Variants in PCSK1 observed in about 807,000 individuals in gnomAD.
PCSK1 encodes proprotein convertase subtilisin/kexin type 1, also known as neuroendocrine convertase 1.
In PCSK1, 56 loss-of-function variants were observed where a neutral mutation model predicts 90.6. The ratio of observed to expected loss-of-function variants is 0.62; its 90% CI spans 0.50 to 0.77. PCSK1 has a LOEUF of 0.77. PCSK1 is among the 30% of genes least tolerant of loss of function. The pLI is 0.00. For missense variants in PCSK1, 801 were observed against 932.6 expected (o/e 0.86, Z 1.84); for synonymous variants, 348 against 342.4 (o/e 1.02, Z -0.18).
chr5:96,405,843 A>G (rs1760541366), intron 9 of PCSK1, among the ~76,000 whole-genome samples: 1 of 152,232 alleles, frequency 6.6e-6, no homozygotes, highest in African/African-American at 2.4e-5. Context: ...TATATTGGTC[A>G]CTATACAAGG....
chr5:96,412,858 G>T, intron 6 of PCSK1: 1 of 681,394 alleles, frequency 1.5e-6, no homozygotes, highest in Non-Finnish European at 1.9e-6. Context: ...GAGAGGAAGT[G>T]GCCGTGATTG....
At position 96,392,777 on chromosome 5, in the gene PCSK1, A is replaced by C. The variant is rs1268121504; in HGVS notation, c.*224T>G. On this transcript the variant is annotated 3_prime_UTR_variant, in exon 14 of 14. Coordinates refer to ENST00000311106, the MANE Select transcript of PCSK1 (RefSeq NM_000439.5). ...AGAACAAAACACTTCACTTGTGCAG[A>C]CAGGAAAGATGTGTTTTGAAATACC... is the stretch of plus-strand genomic sequence containing the variant. 2 of 586,926 alleles carry C rather than the reference A, an allele frequency of 3.4e-6. No individual in the cohort carries two copies. The highest frequency in any genetic ancestry group is 6.0e-6 in the Non-Finnish European group (2 of 330,788). 36.4% of individuals were successfully genotyped at this position (586,926 alleles called of 1,614,324 possible).
At chr5:96,399,684 A>G (rs754237442) in intron 10 of PCSK1, among the ~76,000 whole-genome samples, 16 of 152,248 alleles carry the variant, frequency 1.1e-4, no homozygotes, top group Non-Finnish European at 1.3e-4. Flanking sequence ...GTGGTTGATC[A>G]CAGTTTAATT....
chr5:96,395,831 AAAAT>A (rs1054530246), intron 12 of PCSK1, among the ~76,000 whole-genome samples: 13 of 74,954 alleles, frequency 1.7e-4, no homozygotes, highest in African/African-American at 8.0e-4. Flanking sequence ...TCAATGACAA[AAAAT>A]AAATAAATAA....
intron 13 of PCSK1, among the ~76,000 whole-genome samples, chr5:96,394,654 C>A (rs752644437): frequency 2.6e-5 from 4 of 152,060 alleles, no homozygotes; most frequent in African/African-American, 9.7e-5. Flanking sequence ...CTTTTGAATT[C>A]ATTAATTGTG....
At chr5:96,411,011 T>C (rs761230728) in intron 7 of PCSK1, 25 bp from the exon 8 acceptor site, 1 of 1,499,996 alleles carries the variant, frequency 6.7e-7, no homozygotes, top group South Asian at 1.1e-5. Flanking sequence ...AGAATGCATA[T>C]TATCTGTTAT....
At position 96,420,962 on chromosome 5, in the gene PCSK1, G is replaced by C. The variant is rs76285149; in HGVS notation, c.620+918C>G. Among the ~76,000 whole-genome samples the C allele has an allele frequency of 3.4e-3, 513 of 152,248 alleles. 2 individuals carry two copies. Among genetic ancestry groups the C allele is most frequent in the South Asian group, 7.3e-3 (35 of 4,818 alleles). ...ACTTGTAGCAACAAGCCCTAATTTTGACCTTGGCTTTGATCATTTTGGTGC... is the reference window on the plus strand; with the variant it reads ...ACTTGTAGCAACAAGCCCTAATTTTCACCTTGGCTTTGATCATTTTGGTGC... On this transcript the variant is annotated intron_variant, in intron 5 of 13. Coordinates refer to ENST00000311106, the MANE Select transcript of PCSK1 (RefSeq NM_000439.5).
chr5:96,428,682 G>T (rs1761393790), intron 2 of PCSK1, among the ~76,000 whole-genome samples: 1 of 152,110 alleles, frequency 6.6e-6, no homozygotes, highest in Admixed American at 6.5e-5. Flanking sequence ...TGGATTTACA[G>T]TTCTCTCATA....
rs1271577603 is a variant in PCSK1, at chr5:96,413,011, C to A, written c.710-521G>T. 5.2e-6 allele frequency: 5 copies of A among 970,800 alleles called. No homozygotes were observed. The East Asian group carries it at 3.3e-4, about 65-fold the overall frequency. 60.1% of individuals were successfully genotyped at this position (970,800 alleles called of 1,614,324 possible). A position where few individuals can be genotyped will look rare whatever the true frequency, so the allele number is the denominator to read the frequency against. On this transcript the variant is annotated intron_variant, in intron 6 of 13. Transcript: ENST00000311106. ...TGGCTGTGGCCCAGTCTACGCCACA[C>A]AAGGACTCTGGACAGGAAACATGTA...
intron 8 of PCSK1, among the ~76,000 whole-genome samples, chr5:96,410,561 G>C (rs113523799): frequency 0.024 from 3,712 of 152,102 alleles, 172 homozygotes; most frequent in African/African-American, 0.086. Flanking sequence ...AAAAATGACA[G>C]AGGGGAAGAT....
intron 3 of PCSK1, among the ~76,000 whole-genome samples, chr5:96,425,010 A>AAGAAAGAG (rs1761245478): frequency 8.2e-5 from 2 of 24,258 alleles, no homozygotes; most frequent in Non-Finnish European, 1.9e-4. Flanking sequence ...AAAGAAAGAA[A>AAGAAAGAG]AGAAAGAAAG....
chr5:96,422,140 G>A (rs1761150745), intron 4 of PCSK1, among the ~76,000 whole-genome samples, 184 bp from the exon 5 acceptor site: 1 of 152,026 alleles, frequency 6.6e-6, no homozygotes, highest in Non-Finnish European at 1.5e-5. Flanking sequence ...ACCAGGCAGA[G>A]ATGATGAACA....
In PCSK1 at chr5:96,423,520, A is replaced by G. The variant is rs199857273; in HGVS notation, c.397-61T>C. The stretch of plus-strand genomic sequence containing the variant: ...ATCATTTGCTTGCTACAAAATGGGC[A>G]CTTCAGTTCCAACCTGGAGACCCAT... On this transcript the variant is annotated intron_variant, in intron 3 of 13. Coordinates refer to ENST00000311106, the MANE Select transcript of PCSK1 (RefSeq NM_000439.5). 45 of 1,487,634 alleles carry G rather than the reference A, an allele frequency of 3.0e-5. No individual in the cohort carries two copies. The East Asian group carries it at 9.5e-4, about 31-fold the overall frequency. 92.2% of individuals were successfully genotyped at this position (1,487,634 alleles called of 1,614,324 possible).
chr5:96,398,229 G>A (rs1489063089), intron 11 of PCSK1, among the ~76,000 whole-genome samples: 1 of 152,178 alleles, frequency 6.6e-6, no homozygotes, highest in Non-Finnish European at 1.5e-5. Flanking sequence ...CATAGAGATA[G>A]CTCATCTTTC....
intron 6 of PCSK1, 112 bp downstream of exon 6, chr5:96,415,921 A>G: frequency 1.3e-6 from 1 of 746,432 alleles, no homozygotes; most frequent in South Asian, 1.4e-5. Flanking sequence ...TTGGCATGGA[A>G]CTAATTTGTT....
At chr5:96,418,199 G>A (rs919861221) in intron 5 of PCSK1, among the ~76,000 whole-genome samples, 2 of 152,148 alleles carry the variant, frequency 1.3e-5, no homozygotes, top group Admixed American at 6.5e-5. Flanking sequence ...ACCTCCAAAC[G>A]TTGAGAGAAA....
chr5:96,402,406 G>A (rs368442246), intron 9 of PCSK1, among the ~76,000 whole-genome samples: 12 of 152,160 alleles, frequency 7.9e-5, no homozygotes, highest in African/African-American at 2.7e-4. Context: ...GCTGGTGAGA[G>A]CTTTCCTTCC....
In PCSK1 at chr5:96,399,040, A is replaced by T; in HGVS notation, c.1431-4T>A. 1 of 1,601,852 alleles carries T rather than the reference A, an allele frequency of 6.2e-7. No homozygotes were observed. Among genetic ancestry groups the T allele is most frequent in the Non-Finnish European group, 8.5e-7 (1 of 1,170,712 alleles). ...TTCTCCATTAGCTTTCAGGGCTCTA[A>T]ATACATTAAAGAATCAGCATTGAAT... On this transcript the variant is annotated splice_polypyrimidine_tract_variant and splice_region_variant and intron_variant, in intron 10 of 13. Transcript: ENST00000311106.
chr5:96,409,039 C>T (rs116230181), intron 8 of PCSK1, among the ~76,000 whole-genome samples: 3,128 of 152,220 alleles, frequency 0.021, 120 homozygotes, highest in African/African-American at 0.072. Context: ...GACTCATATG[C>T]GAGACTTACC....
Sources: gnomAD v4.1 joint callset for allele counts (sites outside exome capture counted in the v4.1 genomes callset) on GRCh38, gnomAD v4.1.1 for gene constraint, MANE v1.5 for transcripts, NCBI Gene and HGNC (gene_info 2026-07-23, HGNC 2026-07-21) for gene names.